The following ARB2A variants were observed in gnomAD, a reference collection of about 807,000 sequenced individuals.
ARB2A encodes the protein cotranscriptional regulator ARB2A.
the ARB2A span, chr5:94,055,690 G>A: frequency 2.0e-6 from 2 of 985,120 alleles, no homozygotes; most frequent in Non-Finnish European, 2.4e-6. Context: ...AATAAAGACA[G>A]AAGGGTTTTA....
At chr5:93,678,918 T>C in the ARB2A span, among the ~76,000 whole-genome samples, 1 of 152,188 alleles carries the variant, frequency 6.6e-6, no homozygotes, top group African/African-American at 2.4e-5. Flanking sequence ...GGTTTTCACT[T>C]GTTTCCTGAT....
chr5:93,629,200 A>G, the ARB2A span, among the ~76,000 whole-genome samples: 1 of 152,210 alleles, frequency 6.6e-6, no homozygotes, highest in African/African-American at 2.4e-5. Context: ...GGCCAATCCA[A>G]CGAGTAGTCA....
the ARB2A span, among the ~76,000 whole-genome samples, chr5:93,803,556 G>A: frequency 6.6e-6 from 1 of 151,404 alleles, no homozygotes; most frequent in Non-Finnish European, 1.5e-5. Flanking sequence ...CCTATTGGAG[G>A]GTGGAGGGTG....
At chr5:93,835,518 A>C in the ARB2A span, among the ~76,000 whole-genome samples, 3 of 152,372 alleles carry the variant, frequency 2.0e-5, no homozygotes, top group African/African-American at 7.2e-5. Context: ...AATTTAATGG[A>C]TGTAAAGGTT....
chr5:93,691,461 GAAGAC>G, the ARB2A span, among the ~76,000 whole-genome samples: 1 of 151,894 alleles, frequency 6.6e-6, no homozygotes, highest in African/African-American at 2.4e-5. Context: ...AATAAAGCAT[GAAGAC>G]AAGATTAGAG....
chr5:94,027,039 G>A, the ARB2A span, among the ~76,000 whole-genome samples: 6 of 152,166 alleles, frequency 3.9e-5, no homozygotes, highest in African/African-American at 1.4e-4. Context: ...GCTGGCAGTA[G>A]ACATAAGACT....
At chr5:93,901,856 C>T in the ARB2A span, among the ~76,000 whole-genome samples, 13 of 152,058 alleles carry the variant, frequency 8.5e-5, no homozygotes, top group African/African-American at 2.4e-4. Context: ...GGACTTTTGA[C>T]GGTTAACAAG....
At chr5:93,871,645 A>G in the ARB2A span, among the ~76,000 whole-genome samples, 8 of 152,222 alleles carry the variant, frequency 5.3e-5, no homozygotes, top group African/African-American at 1.9e-4. Context: ...GCCAGACATT[A>G]GATTTTCAAA....
At chr5:93,818,486 G>A in the ARB2A span, among the ~76,000 whole-genome samples, 1 of 152,046 alleles carries the variant, frequency 6.6e-6, no homozygotes, top group African/African-American at 2.4e-5. Context: ...AAATAAAAAA[G>A]TTTAAAAAAT....
At chr5:94,111,234 G>A in the ARB2A span, among the ~76,000 whole-genome samples, 3 of 152,068 alleles carry the variant, frequency 2.0e-5, no homozygotes, top group Non-Finnish European at 4.4e-5. Flanking sequence ...CTGTCTCCAG[G>A]GACTCCCAGA....
At chr5:93,675,878 T>C in the ARB2A span, among the ~76,000 whole-genome samples, 3 of 152,230 alleles carry the variant, frequency 2.0e-5, no homozygotes, top group Non-Finnish European at 4.4e-5. Context: ...AATTGCAAAC[T>C]ACTTCACAGT....
chr5:93,739,688 C>T, the ARB2A span: 2 of 152,082 alleles, frequency 1.3e-5, no homozygotes, highest in African/African-American at 2.4e-5. Context: ...AGTTATTTGA[C>T]GTTTAATGGC....
At chr5:93,870,315 A>G in the ARB2A span, among the ~76,000 whole-genome samples, 1 of 152,218 alleles carries the variant, frequency 6.6e-6, no homozygotes. Context: ...AAATGTCTCA[A>G]TGAGGCAGTC....
the ARB2A span, among the ~76,000 whole-genome samples, chr5:93,896,720 T>G: frequency 6.6e-6 from 1 of 152,088 alleles, no homozygotes; most frequent in Admixed American, 6.6e-5. Context: ...GAGTTTACAT[T>G]TTAACATTTT....
the ARB2A span, among the ~76,000 whole-genome samples, chr5:93,892,636 G>A: frequency 2.0e-5 from 3 of 152,056 alleles, no homozygotes; most frequent in Non-Finnish European, 4.4e-5. Context: ...TTTAAAATAT[G>A]TGATATTCAA....
the ARB2A span, among the ~76,000 whole-genome samples, chr5:93,912,456 A>G: frequency 2.6e-5 from 4 of 151,742 alleles, no homozygotes; most frequent in Non-Finnish European, 5.9e-5. Flanking sequence ...TTATTTCATT[A>G]TGATCTAAAT....
the ARB2A span, among the ~76,000 whole-genome samples, chr5:93,918,748 A>G: frequency 6.6e-6 from 1 of 152,110 alleles, no homozygotes; most frequent in East Asian, 1.9e-4. Flanking sequence ...GTGTTCTCAG[A>G]GTCCCGTATT....
the ARB2A span, among the ~76,000 whole-genome samples, chr5:93,889,662 G>C: frequency 6.6e-6 from 1 of 151,752 alleles, no homozygotes; most frequent in Non-Finnish European, 1.5e-5. Context: ...TCTTTAAACA[G>C]ATTTAGAGAC....
chr5:93,963,980 G>A, the ARB2A span, among the ~76,000 whole-genome samples: 3 of 151,936 alleles, frequency 2.0e-5, no homozygotes, highest in African/African-American at 2.4e-5. Flanking sequence ...AAGGGAAGGA[G>A]CAGGGTTATG....
Sources: allele counts gnomAD v4.1 joint callset (sites outside exome capture counted in the v4.1 genomes callset), GRCh38; gene constraint gnomAD v4.1.1; transcripts MANE v1.5; gene names NCBI Gene and HGNC (gene_info 2026-07-23, HGNC 2026-07-21).